LINGO2: variants seen among roughly 807,000 people sequenced by gnomAD.
The protein encoded by LINGO2 is leucine-rich repeat and immunoglobulin-like domain-containing nogo receptor-interacting protein 2.
A neutral mutation model predicts 30.6 loss-of-function variants in LINGO2; 14 were observed. The ratio of observed to expected loss-of-function variants is 0.46; its 90% CI spans 0.30 to 0.72. The LOEUF (loss-of-function observed/expected upper bound fraction) is 0.72. LINGO2 is among the 30% of genes least tolerant of loss of function. The pLI, the probability that LINGO2 is intolerant of heterozygous loss-of-function variation, is 0.07. For synonymous variants in LINGO2, 317 were observed against 288.5 expected (o/e 1.10, Z -1.00); for missense variants, 729 against 751.7 (o/e 0.97, Z 0.35).
At chr9:29,152,143 T>G in the LINGO2 span, among the ~76,000 whole-genome samples, 1 of 152,094 alleles carries the variant, frequency 6.6e-6, no homozygotes, top group Non-Finnish European at 1.5e-5. Context: ...AGAATGGCTA[T>G]TATTAAAAAG....
At chr9:28,786,538 G>C in the LINGO2 span, among the ~76,000 whole-genome samples, 1 of 152,164 alleles carries the variant, frequency 6.6e-6, no homozygotes, top group African/African-American at 2.4e-5. Context: ...AGCATCATTT[G>C]CCTAGGGTGT....
chr9:28,912,959 T>C, the LINGO2 span, among the ~76,000 whole-genome samples: 24 of 152,120 alleles, frequency 1.6e-4, 2 homozygotes, highest in Admixed American at 1.5e-3. Flanking sequence ...GCTAGATCTT[T>C]CACATCTCTC....
At chr9:28,003,644 G>T (rs1822101123) in intron 5 of LINGO2, among the ~76,000 whole-genome samples, 1 of 152,036 alleles carries the variant, frequency 6.6e-6, no homozygotes, top group Non-Finnish European at 1.5e-5. Context: ...CGTATTTTTA[G>T]TAGAAACGGG....
intron 4 of LINGO2, among the ~76,000 whole-genome samples, chr9:28,126,616 G>C (rs1369490887): frequency 6.6e-6 from 1 of 152,204 alleles, no homozygotes; most frequent in Admixed American, 6.5e-5. Flanking sequence ...GGGGCACCTA[G>C]GGGTCCCTCA....
the LINGO2 span, among the ~76,000 whole-genome samples, chr9:28,860,533 G>A: frequency 7.2e-5 from 11 of 151,860 alleles, no homozygotes; most frequent in African/African-American, 2.7e-4. Flanking sequence ...ACAATTATGT[G>A]AGCCAATTAC....
At chr9:28,889,210 C>T in the LINGO2 span, among the ~76,000 whole-genome samples, 1 of 152,092 alleles carries the variant, frequency 6.6e-6, no homozygotes, top group Non-Finnish European at 1.5e-5. Context: ...AATTTCTTGC[C>T]TTTAGGGCAA....
the LINGO2 span, among the ~76,000 whole-genome samples, chr9:28,791,765 G>T: frequency 6.6e-6 from 1 of 151,708 alleles, no homozygotes; most frequent in Non-Finnish European, 1.5e-5. Context: ...CATTTTATTT[G>T]CATCATTAAG....
chr9:29,073,933 A>C, the LINGO2 span, among the ~76,000 whole-genome samples: 5 of 152,178 alleles, frequency 3.3e-5, no homozygotes, highest in Admixed American at 2.6e-4. Flanking sequence ...TAGTACAGAA[A>C]GGGCCTATAA....
intron 5 of LINGO2, among the ~76,000 whole-genome samples, chr9:27,960,378 C>T (rs1308897744): frequency 3.3e-5 from 5 of 152,112 alleles, no homozygotes; most frequent in East Asian, 1.9e-4. Context: ...TGATAGCATT[C>T]GATAAAACAT....
At chr9:28,399,127 A>C (rs1822164339) in intron 2 of LINGO2, among the ~76,000 whole-genome samples, 3 of 152,216 alleles carry the variant, frequency 2.0e-5, no homozygotes, top group African/African-American at 7.2e-5. Flanking sequence ...AAATCTGCCA[A>C]AGAATTTTTC....
At chr9:29,160,304 T>C in the LINGO2 span, among the ~76,000 whole-genome samples, 1 of 152,112 alleles carries the variant, frequency 6.6e-6, no homozygotes, top group Non-Finnish European at 1.5e-5. Flanking sequence ...CTAGTTAAGG[T>C]TGTTTCTGAA....
the LINGO2 span, among the ~76,000 whole-genome samples, chr9:28,716,417 G>A: frequency 1.3e-5 from 2 of 151,974 alleles, no homozygotes; most frequent in South Asian, 2.1e-4. Flanking sequence ...ATGACAAGGG[G>A]ACAGGGAAAG....
chr9:28,536,854 G>A (rs182481339), intron 1 of LINGO2, among the ~76,000 whole-genome samples: 18 of 152,146 alleles, frequency 1.2e-4, no homozygotes, highest in African/African-American at 3.9e-4. Context: ...TAGTGTCTCT[G>A]TTATGGTTTG....
At chr9:28,962,702 C>T in the LINGO2 span, among the ~76,000 whole-genome samples, 137,586 of 151,774 alleles carry the variant, frequency 0.91, 62,550 homozygotes, top group Non-Finnish European at 0.93. Context: ...TACTACATTT[C>T]ATTTATCATA....
rs187646800 is a variant in LINGO2 at position 28,290,170 on chromosome 9, G to A, written c.-87+5038C>T. On this transcript the variant is annotated intron_variant, in intron 4 of 5. Coordinates refer to ENST00000379992, the Ensembl canonical transcript of LINGO2. ...GTTAGGGTCACAAGGCAGATTGATA[G>A]AAGATATGACAACTGAACCCAAGTT... 2.2e-3 allele frequency among the ~76,000 whole-genome samples: 334 copies of A among 152,328 alleles called. 1 individual carries two copies. The highest frequency in any genetic ancestry group is 7.8e-3 in the African/African-American group (324 of 41,578).
chr9:29,063,901 A>C, the LINGO2 span, among the ~76,000 whole-genome samples: 46 of 152,314 alleles, frequency 3.0e-4, no homozygotes, highest in African/African-American at 1.1e-3. Flanking sequence ...CATAACAAAG[A>C]TGCTAGGAAG....
intron 4 of LINGO2, among the ~76,000 whole-genome samples, chr9:28,145,588 A>T (rs1564000573): frequency 6.6e-6 from 1 of 152,200 alleles, no homozygotes; most frequent in East Asian, 1.9e-4. Context: ...CTTGGAAAAC[A>T]TCTGCTCCAG....
the LINGO2 span, among the ~76,000 whole-genome samples, chr9:28,920,272 T>C: frequency 6.6e-6 from 1 of 151,862 alleles, no homozygotes; most frequent in Non-Finnish European, 1.5e-5. Context: ...CATAATACAG[T>C]TGCATCTTTA....
chr9:28,375,125 CACACACACAT>C (rs1216340176), intron 2 of LINGO2, among the ~76,000 whole-genome samples: 2,402 of 114,288 alleles, frequency 0.021, 54 homozygotes, highest in African/African-American at 0.067. Flanking sequence ...CACACACACA[CACACACACAT>C]ACACCCCACA....
Sources: gnomAD v4.1 joint callset for allele counts (sites outside exome capture counted in the v4.1 genomes callset) on GRCh38, gnomAD v4.1.1 for gene constraint, MANE v1.5 for transcripts, NCBI Gene and HGNC (gene_info 2026-07-23, HGNC 2026-07-21) for gene names.